The following VAV3 variants were observed in gnomAD, a reference collection of about 807,000 sequenced individuals.
The protein encoded by VAV3 is vav guanine nucleotide exchange factor 3, also known as guanine nucleotide exchange factor VAV3.
A neutral mutation model predicts 131.2 loss-of-function variants in VAV3; 94 were observed. The ratio of observed to expected loss-of-function variants is 0.72; its 90% CI spans 0.61 to 0.85. The LOEUF (loss-of-function observed/expected upper bound fraction) is 0.85. Ranked by LOEUF, VAV3 falls within the 40% of genes least tolerant of loss-of-function variation. VAV3 has a pLI of 0.00. For missense variants in VAV3, 939 were observed against 1,002.7 expected (o/e 0.94, Z 0.86); for synonymous variants, 349 against 342.0 (o/e 1.02, Z -0.22).
chr1:107,963,701 GGA>G (rs1270162863), intron 1 of VAV3: 1 of 152,180 alleles, frequency 6.6e-6, no homozygotes, highest in Non-Finnish European at 1.5e-5. Context: ...AATGTGTCAG[GGA>G]GAGGGCTCTG....
chr1:107,704,521 A>G (rs766650525), intron 17 of VAV3, 29 bp downstream of exon 17: 1 of 1,576,826 alleles, frequency 6.3e-7, no homozygotes, highest in Non-Finnish European at 8.7e-7. Context: ...CTCATTAAAA[A>G]CAGAATTGCA....
intron 1 of VAV3, among the ~76,000 whole-genome samples, chr1:107,894,804 T>C (rs531649993): frequency 1.3e-5 from 2 of 152,160 alleles, no homozygotes; most frequent in Non-Finnish European, 2.9e-5. Flanking sequence ...CCCATAGAAG[T>C]ACCCCTAATG....
Position 107,617,457 on chromosome 1 carries a change from T to C in VAV3, c.1980+110A>G, listed in dbSNP as rs538879694. On this transcript the variant is annotated intron_variant, in intron 21 of 26. Coordinates refer to ENST00000370056, the MANE Select transcript of VAV3 (RefSeq NM_006113.5). ...AAATAATGATTCTTCCAGAAAATAT[T>C]AATAAAATTAATAACTGACCTGGCC... 1.5e-5 allele frequency: 12 copies of C among 778,568 alleles called. No individual in the cohort carries two copies. The African/African-American group carries it at 2.1e-4, about 14-fold the overall frequency. The allele number at this position is 778,568 out of a possible 1,614,324, so 48.2% of individuals were successfully genotyped here. A position where few individuals can be genotyped will look rare whatever the true frequency, so the allele number is the denominator to read the frequency against.
At chr1:107,923,217 G>T (rs984598114) in intron 1 of VAV3, among the ~76,000 whole-genome samples, 1 of 152,012 alleles carries the variant, frequency 6.6e-6, no homozygotes, top group Non-Finnish European at 1.5e-5. Context: ...ATTTCTGTGC[G>T]TTTGGGTTTT....
chr1:107,688,510 C>G, intron 17 of VAV3, 104 bp from the exon 18 acceptor site: 1 of 1,575,844 alleles, frequency 6.3e-7, no homozygotes, highest in East Asian at 2.3e-5. Flanking sequence ...GCTTTGTTTT[C>G]TTAACTGATA....
At chr1:107,864,526 G>A (rs957682380) in intron 2 of VAV3, among the ~76,000 whole-genome samples, 2 of 152,296 alleles carry the variant, frequency 1.3e-5, no homozygotes, top group East Asian at 3.9e-4. Flanking sequence ...GGGAGGCTGA[G>A]GTGGAAGGAT....
intron 19 of VAV3, among the ~76,000 whole-genome samples, chr1:107,666,518 G>A (rs1029392856): frequency 4.6e-5 from 7 of 151,826 alleles, no homozygotes; most frequent in African/African-American, 1.2e-4. Context: ...GAAGATCACC[G>A]TGGCTTCTGA....
At chr1:107,616,070 T>C (rs1653132093) in intron 21 of VAV3, among the ~76,000 whole-genome samples, 1 of 152,188 alleles carries the variant, frequency 6.6e-6, no homozygotes, top group South Asian at 2.1e-4. Context: ...AAAGCAGAAT[T>C]ACCTTTTGAG....
At chr1:107,754,167 T>A (rs1405200845) in intron 12 of VAV3, among the ~76,000 whole-genome samples, 1 of 152,158 alleles carries the variant, frequency 6.6e-6, no homozygotes, top group Non-Finnish European at 1.5e-5. Context: ...TCCAGATCAC[T>A]GAGGACCTTA....
At chr1:107,689,085 G>A (rs555506402) in intron 17 of VAV3, among the ~76,000 whole-genome samples, 1 of 152,110 alleles carries the variant, frequency 6.6e-6, no homozygotes, top group Non-Finnish European at 1.5e-5. Flanking sequence ...CTTCAAATGC[G>A]TACTATAGTA....
At position 107,587,128 on chromosome 1, in the gene VAV3, T is replaced by C. The variant is rs551076164; in HGVS notation, c.2350+9084A>G. ...TGTTTAGATGTTAAGCTGTATTGTATGTAACACTTGAGACGTGAGTATGAT... is the reference window on the plus strand; with the variant it reads ...TGTTTAGATGTTAAGCTGTATTGTACGTAACACTTGAGACGTGAGTATGAT... On this transcript the variant is annotated intron_variant, in intron 25 of 26. Transcript: ENST00000370056. Among the ~76,000 whole-genome samples, 18 of 152,302 alleles carry C rather than the reference T, an allele frequency of 1.2e-4. No homozygotes were observed. The South Asian group carries it at 3.5e-3, about 30-fold the overall frequency.
intron 20 of VAV3, among the ~76,000 whole-genome samples, chr1:107,624,873 A>C (rs1653892510): frequency 6.6e-6 from 1 of 152,212 alleles, no homozygotes; most frequent in East Asian, 1.9e-4. Context: ...CACAATCTTC[A>C]AGGATCTCAT....
At chr1:107,758,554 CCT>C (rs1664242564) in intron 10 of VAV3, among the ~76,000 whole-genome samples, 1 of 152,060 alleles carries the variant, frequency 6.6e-6, no homozygotes, top group East Asian at 1.9e-4. Flanking sequence ...AGAGAAAGAC[CCT>C]CTCTTAAAAC....
chr1:107,778,747 T>C (rs1172192377), intron 3 of VAV3, among the ~76,000 whole-genome samples: 2 of 152,206 alleles, frequency 1.3e-5, no homozygotes, highest in African/African-American at 4.8e-5. Flanking sequence ...TTGATCCATT[T>C]CCATGAAACC....
At chr1:107,831,233 G>GA (rs1318088000) in intron 2 of VAV3, among the ~76,000 whole-genome samples, 1 of 151,820 alleles carries the variant, frequency 6.6e-6, no homozygotes, top group Non-Finnish European at 1.5e-5. Context: ...AACAATACAT[G>GA]AAAAAATATG....
intron 1 of VAV3, among the ~76,000 whole-genome samples, chr1:107,925,724 C>T (rs1244502374): frequency 1.3e-5 from 2 of 151,938 alleles, no homozygotes; most frequent in Admixed American, 6.6e-5. Context: ...TCACAGTTTA[C>T]ATTTGGGAAG....
chr1:107,577,355 A>T (rs542594500), intron 25 of VAV3, among the ~76,000 whole-genome samples: 33 of 152,344 alleles, frequency 2.2e-4, no homozygotes, highest in African/African-American at 7.7e-4. Flanking sequence ...GCAGCTATAT[A>T]AATTGACCTG....
intron 15 of VAV3, among the ~76,000 whole-genome samples, chr1:107,734,202 TGAAG>T (rs1342113720): frequency 6.6e-6 from 1 of 152,142 alleles, no homozygotes; most frequent in Non-Finnish European, 1.5e-5. Context: ...CAAGAGCTCC[TGAAG>T]GAAGCACTAA....
intron 1 of VAV3, among the ~76,000 whole-genome samples, chr1:107,911,173 G>A (rs1365580399): frequency 6.6e-6 from 1 of 152,086 alleles, no homozygotes; most frequent in Non-Finnish European, 1.5e-5. Context: ...TTCCTATTAC[G>A]AAAAGAGTAT....
Sources: allele counts gnomAD v4.1 joint callset (sites outside exome capture counted in the v4.1 genomes callset), GRCh38; gene constraint gnomAD v4.1.1; transcripts MANE v1.5; gene names NCBI Gene and HGNC (gene_info 2026-07-23, HGNC 2026-07-21).